The following CNGA1 variants were observed in gnomAD, a reference collection of about 807,000 sequenced individuals.
The protein encoded by CNGA1 is cyclic nucleotide-gated channel alpha-1.
CNGA1 carries 53 observed loss-of-function variants against 69.7 expected under a neutral mutation model. That is an observed-to-expected ratio of 0.76 (90% CI 0.61 to 0.96). The LOEUF is 0.96. CNGA1 is among the 40% of genes least tolerant of loss of function. The probability of loss-of-function intolerance (pLI) is 0.00; values close to 1 mark genes in which losing one functional copy is unlikely to be tolerated. For synonymous variants in CNGA1, 249 were observed against 283.5 expected, an observed-to-expected ratio of 0.88 and a Z score of 1.22; for missense variants, 739 against 811.2, an observed-to-expected ratio of 0.91 and a Z score of 1.08.
chr4:48,009,044 C>T (rs1443643810), intron 2 of CNGA1, among the ~76,000 whole-genome samples: 1 of 152,110 alleles, frequency 6.6e-6, no homozygotes, highest in African/African-American at 2.4e-5. Flanking sequence ...AATTTTGACA[C>T]CTTATAGTAT....
intron 2 of CNGA1, among the ~76,000 whole-genome samples, chr4:48,008,112 A>T (rs1222766173): frequency 6.6e-6 from 1 of 152,140 alleles, no homozygotes; most frequent in Non-Finnish European, 1.5e-5. Context: ...TTTTTACATC[A>T]AACCAAGTCT....
intron 6 of CNGA1, among the ~76,000 whole-genome samples, chr4:47,945,920 C>G (rs1739369751): frequency 6.7e-6 from 1 of 149,444 alleles, no homozygotes; most frequent in Non-Finnish European, 1.5e-5. Flanking sequence ...CACAGTGACC[C>G]ACTCTGTGAT....
intron 2 of CNGA1, among the ~76,000 whole-genome samples, chr4:47,997,297 A>G (rs1714403369): frequency 6.6e-6 from 1 of 152,198 alleles, no homozygotes; most frequent in African/African-American, 2.4e-5. Context: ...TAACATTAAC[A>G]GAACTGGGGC....
chr4:47,991,777 T>G (rs1742281189), intron 2 of CNGA1, among the ~76,000 whole-genome samples: 1 of 152,218 alleles, frequency 6.6e-6, no homozygotes, highest in African/African-American at 2.4e-5. Flanking sequence ...CAATGTTATC[T>G]TCTAGAATTT....
chr4:47,972,663 G>C (rs777307405), intron 3 of CNGA1, among the ~76,000 whole-genome samples: 12 of 152,154 alleles, frequency 7.9e-5, no homozygotes, highest in Non-Finnish European at 1.8e-4. Context: ...TTTATTCTCT[G>C]TGAATTACAT....
Position 48,016,515 on chromosome 4 carries a change from T to A in CNGA1, c.-255A>T. ...GGCTCCACGCTCCGAGAGACGCTGT[T>A]GCTCTATGAGGCGTGTCTGTGTTTC... On this transcript the variant is annotated 5_prime_UTR_variant, in exon 1 of 11. Transcript: ENST00000514170. 2.5e-6 allele frequency: 1 copy of A among 400,824 alleles called. No individual in the cohort carries two copies. Among genetic ancestry groups the A allele is most frequent in the Non-Finnish European group, 4.4e-6 (1 of 225,092 alleles). The allele number at this position is 400,824 out of a possible 1,614,324, so 24.8% of individuals were successfully genotyped here. A position where few individuals can be genotyped will look rare whatever the true frequency, so the allele number is the denominator to read the frequency against.
At chr4:47,949,946 A>G in intron 5 of CNGA1, 51 bp from the exon 6 acceptor site, 1 of 1,543,660 alleles carries the variant, frequency 6.5e-7, no homozygotes, top group Non-Finnish European at 9.0e-7. Flanking sequence ...CATCTGTATA[A>G]TGTCCATGGT....
At chr4:47,994,109 T>C (rs189851334) in intron 2 of CNGA1, among the ~76,000 whole-genome samples, 1 of 152,308 alleles carries the variant, frequency 6.6e-6, no homozygotes, top group African/African-American at 2.4e-5. Flanking sequence ...TTGTCTATCT[T>C]GGAGAAAGTT....
At chr4:47,990,186 G>A (rs1015640615) in intron 2 of CNGA1, among the ~76,000 whole-genome samples, 2 of 152,178 alleles carry the variant, frequency 1.3e-5, no homozygotes, top group Non-Finnish European at 2.9e-5. Flanking sequence ...GAACGAGGGA[G>A]GATAAAGGTC....
chr4:47,955,608 T>C (rs1740043167), intron 3 of CNGA1, among the ~76,000 whole-genome samples: 1 of 152,228 alleles, frequency 6.6e-6, no homozygotes, highest in Non-Finnish European at 1.5e-5. Flanking sequence ...TGCCTTTGCA[T>C]ATGCTCTCCT....
At chr4:48,015,055 G>A (rs990025520) in intron 1 of CNGA1, among the ~76,000 whole-genome samples, 1 of 152,118 alleles carries the variant, frequency 6.6e-6, no homozygotes, top group Non-Finnish European at 1.5e-5. Context: ...GGGGGCGCCT[G>A]TAGTCCCAGC....
chr4:48,013,199 G>C (rs549261988), intron 1 of CNGA1, among the ~76,000 whole-genome samples: 1 of 152,302 alleles, frequency 6.6e-6, no homozygotes, highest in South Asian at 2.1e-4. Context: ...CTGGTACCAA[G>C]CACTGATAAG....
At chr4:47,966,266 A>G (rs1023389081) in intron 3 of CNGA1, among the ~76,000 whole-genome samples, 2 of 152,236 alleles carry the variant, frequency 1.3e-5, no homozygotes, top group African/African-American at 4.8e-5. Context: ...AATGAACTCA[A>G]GTGAGATTTT....
chr4:47,958,586 C>T lies in CNGA1; in HGVS notation c.-14-5883G>A, dbSNP rs150995165. On this transcript the variant is annotated intron_variant, in intron 3 of 10. Transcript: ENST00000514170. The stretch of plus-strand genomic sequence containing the variant: ...ACAGTGAGCCGAGATCGCACCATTG[C>T]GCACCAACCTGGGCAACAAAGCAAG... 6.1e-4 allele frequency among the ~76,000 whole-genome samples: 92 copies of T among 151,574 alleles called. 1 individual carries two copies. In the East Asian group the frequency reaches 0.011, roughly 18 times the overall value.
rs1248467671 is a variant in CNGA1 at position 47,955,178 on chromosome 4, T to C, written c.-14-2475A>G. Among the ~76,000 whole-genome samples, 25 of 5,272 alleles carry C rather than the reference T, an allele frequency of 4.7e-3. No individual in the cohort carries two copies. The East Asian group carries it at 0.06, about 13-fold the overall frequency. The allele number at this position is 5,272 out of a possible 152,430, so 3.5% of individuals were successfully genotyped here. ...CTCTGTCTCTTTTTTCTTTTCTTTTTTTTTTTTTTTTTTTTTTTTTTTGAG... is the reference window on the plus strand; with the variant it reads ...CTCTGTCTCTTTTTTCTTTTCTTTTCTTTTTTTTTTTTTTTTTTTTTTGAG... On this transcript the variant is annotated intron_variant, in intron 3 of 10. Transcript: ENST00000514170.
chr4:47,981,287 A>T (rs1319128370), intron 3 of CNGA1, 106 bp downstream of exon 3: 1 of 152,254 alleles, frequency 6.6e-6, no homozygotes, highest in East Asian at 1.9e-4. Flanking sequence ...TAGAGAGCAC[A>T]TCACATGAAA....
chr4:47,984,016 G>T (rs1200144060), intron 2 of CNGA1, among the ~76,000 whole-genome samples: 1 of 152,092 alleles, frequency 6.6e-6, no homozygotes, highest in East Asian at 1.9e-4. Context: ...TTTTAAATCT[G>T]AAATTCAAAT....
intron 6 of CNGA1, among the ~76,000 whole-genome samples, chr4:47,947,519 A>C (rs1479563940): frequency 6.6e-6 from 1 of 151,980 alleles, no homozygotes; most frequent in Non-Finnish European, 1.5e-5. Flanking sequence ...AAAATACAAA[A>C]ATTAGCCAGG....
At chr4:47,971,942 T>C (rs2110198972) in intron 3 of CNGA1, among the ~76,000 whole-genome samples, 1 of 152,066 alleles carries the variant, frequency 6.6e-6, no homozygotes, top group South Asian at 2.1e-4. Flanking sequence ...CAAAAACCAC[T>C]GTAATCTCCC....
Sources: allele counts gnomAD v4.1 joint callset (sites outside exome capture counted in the v4.1 genomes callset), GRCh38; gene constraint gnomAD v4.1.1; transcripts MANE v1.5; gene names NCBI Gene and HGNC (gene_info 2026-07-23, HGNC 2026-07-21).